Variants in BICD1 observed in about 807,000 individuals in gnomAD.
The protein encoded by BICD1 is BICD cargo adaptor 1, also known as protein bicaudal D homolog 1.
Under a neutral mutation model 92.5 loss-of-function variants are expected in BICD1, and 35 were observed. That is an observed-to-expected ratio of 0.38 (90% confidence interval 0.29 to 0.50). The LOEUF (loss-of-function observed/expected upper bound fraction) is 0.50, where lower values mean the gene tolerates loss of function less well. Ranked by LOEUF, BICD1 falls within the 20% of genes least tolerant of loss-of-function variation. The probability of loss-of-function intolerance (pLI) is 0.93; values close to 1 mark genes in which losing one functional copy is unlikely to be tolerated. For missense variants in BICD1, 950 were observed against 1,189.8 expected (o/e 0.80, Z 2.97); for synonymous variants, 429 against 465.1 (o/e 0.92, Z 1.00).
intron 2 of BICD1, among the ~76,000 whole-genome samples, chr12:32,279,527 A>C (rs1265108548): frequency 6.6e-6 from 1 of 152,230 alleles, no homozygotes; most frequent in Non-Finnish European, 1.5e-5. Flanking sequence ...TTGCACAAAG[A>C]AGAAAAAATA....
intron 2 of BICD1, among the ~76,000 whole-genome samples, chr12:32,243,264 A>ATTTTTTTTTTTTTTTTTTTT (rs71068310): frequency 1.9e-4 from 14 of 74,026 alleles, no homozygotes; most frequent in South Asian, 6.2e-4. Flanking sequence ...TGCCTGGCTA[A>ATTTTTTTTTTTTTTTTTTTT]TTTTTTTTTT....
At chr12:32,306,801 A>G (rs1479398099) in intron 4 of BICD1, among the ~76,000 whole-genome samples, 1 of 151,564 alleles carries the variant, frequency 6.6e-6, no homozygotes, top group African/African-American at 2.4e-5. Context: ...GATCACCTGA[A>G]GTCAGGAGTT....
chr12:32,135,386 CTTTTTTTTTTTTTTT>C (rs71064999), intron 1 of BICD1, among the ~76,000 whole-genome samples: 4 of 44,796 alleles, frequency 8.9e-5, no homozygotes, highest in Non-Finnish European at 1.1e-4. Flanking sequence ...CCATGCGTGG[CTTTTTTTTTTTTTTT>C]TTTTTTTTTT....
rs1940122380 is a variant in BICD1 at position 32,379,848 on chromosome 12, A to C, written c.*2221A>C. 6.6e-6 allele frequency: 1 copy of C among 152,282 alleles called. No individual in the cohort carries two copies. The highest frequency in any genetic ancestry group is 2.1e-4 in the South Asian group (1 of 4,818). The allele number at this position is 152,282 out of a possible 1,614,324, so 9.4% of individuals were successfully genotyped here. ...TGGTGGGACTGGGAGTTCAGCAGGA[A>C]GTATTGTCTGTGTGTGATGACGGGG... On this transcript the variant is annotated 3_prime_UTR_variant, in exon 10 of 10. Transcript: ENST00000652176.
chr12:32,226,996 G>T (rs1209897654), intron 2 of BICD1, among the ~76,000 whole-genome samples: 2 of 151,176 alleles, frequency 1.3e-5, no homozygotes, highest in Admixed American at 6.6e-5. Context: ...GGCCTGGGGA[G>T]GTCCTCGGGG....
chr12:32,140,707 A>AGG (rs1942889025), intron 1 of BICD1, among the ~76,000 whole-genome samples: 2 of 152,338 alleles, frequency 1.3e-5, no homozygotes, highest in Non-Finnish European at 2.9e-5. Context: ...GTCTGTAGAC[A>AGG]AAAAGCAAAA....
chr12:32,365,594 T>A (rs1247023551), intron 8 of BICD1, among the ~76,000 whole-genome samples: 2 of 152,208 alleles, frequency 1.3e-5, no homozygotes, highest in Non-Finnish European at 2.9e-5. Context: ...ATGTAAGACA[T>A]AAGGAATCCA....
rs572680194 is a variant in BICD1 at position 32,260,929 on chromosome 12, T to C, written c.427-33065T>C. On this transcript the variant is annotated intron_variant, in intron 2 of 9. Coordinates refer to ENST00000652176, the MANE Select transcript of BICD1 (RefSeq NM_001714.4). Reference sequence around the variant, plus strand: ...TAAACTGCTTGAATATCTGGCAGTTTCCCCGCTGACTTTTCCCTTGTCTGA... The same window carrying C: ...TAAACTGCTTGAATATCTGGCAGTTCCCCCGCTGACTTTTCCCTTGTCTGA... Among the ~76,000 whole-genome samples, 16 of 152,300 alleles carry C rather than the reference T, an allele frequency of 1.1e-4. No individual in the cohort carries two copies. In the South Asian group the frequency reaches 3.3e-3, roughly 32 times the overall value.
chr12:32,353,032 C>T (rs192957828), intron 8 of BICD1: 8 of 152,284 alleles, frequency 5.3e-5, no homozygotes, highest in African/African-American at 1.9e-4. Context: ...TATGTATTGA[C>T]ATTAGAATCA....
At chr12:32,262,021 T>A (rs1311852420) in intron 2 of BICD1, among the ~76,000 whole-genome samples, 1 of 151,336 alleles carries the variant, frequency 6.6e-6, no homozygotes, top group African/African-American at 2.5e-5. Context: ...CAGTAATATA[T>A]GGGTTGTTAC....
chr12:32,178,444 A>G (rs1042126339), intron 1 of BICD1, among the ~76,000 whole-genome samples: 14 of 151,872 alleles, frequency 9.2e-5, no homozygotes, highest in African/African-American at 3.4e-4. Flanking sequence ...CTCGGTGCCT[A>G]CCTTTTGCAG....
chr12:32,335,816 C>G (rs567230654), intron 6 of BICD1, among the ~76,000 whole-genome samples: 39 of 151,348 alleles, frequency 2.6e-4, no homozygotes, highest in African/African-American at 8.7e-4. Context: ...AACTCCTGGG[C>G]TCAAGAGATC....
intron 2 of BICD1, among the ~76,000 whole-genome samples, chr12:32,225,630 T>TTTTTTTTTTTG: frequency 7.2e-6 from 1 of 139,212 alleles, no homozygotes; most frequent in Non-Finnish European, 1.6e-5. Flanking sequence ...TGTTTTTTTT[T>TTTTTTTTTTTG]TTTTTTTTTT....
At chr12:32,258,678 C>G (rs143755802) in intron 2 of BICD1, among the ~76,000 whole-genome samples, 1 of 152,148 alleles carries the variant, frequency 6.6e-6, no homozygotes, top group African/African-American at 2.4e-5. Context: ...GATCATAGGA[C>G]AGGGGGCCCT....
chr12:32,270,735 C>A (rs1281678615), intron 2 of BICD1, among the ~76,000 whole-genome samples: 1 of 152,178 alleles, frequency 6.6e-6, no homozygotes, highest in African/African-American at 2.4e-5. Context: ...GGCCTTGACC[C>A]ACAAACTAAA....
In BICD1 at chr12:32,303,866, A is replaced by AGAT. The variant is rs148815564; in HGVS notation, c.580-1830_580-1828dup. ...GAGGTGGGTGGATCACAAGGTCAGG[A>AGAT]GATTGAAATCATCCTAGCTAACATG... On this transcript the variant is annotated intron_variant, in intron 3 of 9. Transcript: ENST00000652176. 5.3e-3 allele frequency among the ~76,000 whole-genome samples: 805 copies of AGAT among 152,308 alleles called. 9 individuals are homozygous for AGAT. The highest frequency in any genetic ancestry group is 0.019 in the African/African-American group (773 of 41,560).
intron 3 of BICD1, among the ~76,000 whole-genome samples, chr12:32,301,732 G>A (rs1269794648): frequency 6.6e-6 from 1 of 151,986 alleles, no homozygotes; most frequent in Admixed American, 6.6e-5. Context: ...CTGTGATCAA[G>A]CCACTGTACT....
At chr12:32,189,913 G>A (rs1944519381) in intron 1 of BICD1, among the ~76,000 whole-genome samples, 1 of 152,064 alleles carries the variant, frequency 6.6e-6, no homozygotes, top group Non-Finnish European at 1.5e-5. Flanking sequence ...TGGCCAGGTT[G>A]GTCTCCAACT....
chr12:32,296,246 G>GTTTTTTTTTTTTTTTTTTTTTTTTT, intron 3 of BICD1, among the ~76,000 whole-genome samples: 1 of 108,610 alleles, frequency 9.2e-6, no homozygotes, highest in Non-Finnish European at 1.8e-5. Flanking sequence ...ATAAGAAGGG[G>GTTTTTTTTTTTTTTTTTTTTTTTTT]TTTTTTTTTG....
Sources: gnomAD v4.1 joint callset for allele counts (sites outside exome capture counted in the v4.1 genomes callset) on GRCh38, gnomAD v4.1.1 for gene constraint, MANE v1.5 for transcripts, NCBI Gene and HGNC (gene_info 2026-07-23, HGNC 2026-07-21) for gene names.